Variants in GBGT1 observed in about 807,000 individuals in gnomAD.
GBGT1 encodes the protein globoside alpha-1,3-N-acetylgalactosaminyltransferase 1 (FORS blood group).
In GBGT1, 18 loss-of-function variants were observed where a neutral mutation model predicts 20.9. That is an observed-to-expected ratio of 0.86 (90% CI 0.60 to 1.28). The LOEUF is 1.28. Among genes scored for constraint, GBGT1 ranks in the 50% most tolerant of loss-of-function variants. The pLI, the probability that GBGT1 is intolerant of heterozygous loss-of-function variation, is 0.00. For synonymous variants in GBGT1, 168 were observed against 180.8 expected (o/e 0.93, Z 0.57); for missense variants, 432 against 455.7 (o/e 0.95, Z 0.47).
rs777068779 is a variant in GBGT1, at chr9:133,153,746, A to G, written c.875T>C (p.Met292Thr). The G allele has an allele frequency of 6.2e-7, 1 of 1,613,328 alleles. No individual in the cohort carries two copies. The highest frequency in any genetic ancestry group is 8.5e-7 in the Non-Finnish European group (1 of 1,179,654). ...AILADKANGI[M>T]AAWREESHLN... ...GTGGCTTTCCTCCCGCCAGGCAGCC[A>G]TGATGCCATTGGCCTTGTCCGCCAG... The change falls in exon 7 of 7, where the codon ATG (methionine) becomes ACG (threonine). Residue 292 changes from methionine (M) to threonine (T), a missense_variant. Met to Thr is a moderately conservative substitution (Grantham distance 81). Coordinates refer to ENST00000372040, the MANE Select transcript of GBGT1 (RefSeq NM_021996.6).
chr9:133,158,516 T>G (rs1832941459), intron 3 of GBGT1, among the ~76,000 whole-genome samples: 1 of 152,170 alleles, frequency 6.6e-6, no homozygotes, highest in Admixed American at 6.5e-5. Context: ...ACTCCTGAGC[T>G]CAAGTGATCT....
rs62638709 is a variant in GBGT1, at chr9:133,153,658, G to A, written c.963C>T (p.Asp321=). The A allele has an allele frequency of 0.01, 16,678 of 1,610,248 alleles. 1,028 individuals carry two copies. In the Admixed American group the frequency reaches 0.17, roughly 16 times the overall value. ...SKVLSPEYLW[D]DRKPQPPSLK... is the part of the protein sequence containing the mutation. ...GGCTGGGTGGCTGGGGCTTCCTGTCGTCCCAGAGGTACTCGGGGGACAGCA... is the reference window on the plus strand; with the variant it reads ...GGCTGGGTGGCTGGGGCTTCCTGTCATCCCAGAGGTACTCGGGGGACAGCA... Residue 321 remains aspartate (D), a synonymous_variant, in exon 7 of 7, where the codon GAC becomes GAT. Transcript: ENST00000372040.
chr9:133,155,235 T>G lies in GBGT1; in HGVS notation c.302A>C (p.Gln101Pro), dbSNP rs768303553. The part of the protein sequence containing the change: ...SEGTFNPELL[Q>P]HIYQPLNLTI... The stretch of plus-strand genomic sequence containing the variant: ...CAGGTTCAGTGGCTGGTAGATGTGC[T>G]GCAGAAGCTCTGGGTTGAAGGTTCC... Residue 101 changes from glutamine (Q) to proline (P), a missense_variant, in exon 6 of 7, where the codon CAG becomes CCG. Physicochemically the swap from Gln to Pro is moderately conservative, Grantham distance 76. Transcript: ENST00000372040. 2.5e-6 allele frequency: 4 copies of G among 1,614,036 alleles called. No individual in the cohort carries two copies.
intron 3 of GBGT1, among the ~76,000 whole-genome samples, chr9:133,157,855 G>T (rs1429015632): frequency 6.6e-6 from 1 of 152,206 alleles, no homozygotes; most frequent in Non-Finnish European, 1.5e-5. Flanking sequence ...GTGCAGAGAA[G>T]GGAAAGACCG....
Position 133,154,477 on chromosome 9 carries a change from T to C in GBGT1, c.360-216A>G. On this transcript the variant is annotated intron_variant, in intron 6 of 6. Transcript: ENST00000372040. The surrounding 1 kb of genome is among the most constrained non-coding windows in gnomAD (Gnocchi z 4.2). ...AGCATGTTCCTGGTAGAGATTCTTATGCTCCTAGGCCAGGTGAACTTTTAC... is the reference window on the plus strand; with the variant it reads ...AGCATGTTCCTGGTAGAGATTCTTACGCTCCTAGGCCAGGTGAACTTTTAC... 2.3e-6 allele frequency: 1 copy of C among 427,690 alleles called. No individual in the cohort carries two copies. The highest frequency in any genetic ancestry group is 4.1e-6 in the Non-Finnish European group (1 of 241,908). 26.5% of individuals were successfully genotyped at this position (427,690 alleles called of 1,614,324 possible).
At position 133,153,311 on chromosome 9, in the gene GBGT1, A is replaced by G. The variant is rs1832758372; in HGVS notation, c.*266T>C. 5.7e-6 allele frequency: 2 copies of G among 350,514 alleles called. No homozygotes were observed. Among genetic ancestry groups the G allele is most frequent in the Admixed American group, 4.5e-5 (1 of 22,012 alleles). 21.7% of individuals were successfully genotyped at this position (350,514 alleles called of 1,614,324 possible). Reference sequence around the variant, plus strand: ...GCCTGCCCCGCAAAGGCACGGCTGCAGAACGTGGCAAGCCTGCCGGGCCCT... The same window carrying G: ...GCCTGCCCCGCAAAGGCACGGCTGCGGAACGTGGCAAGCCTGCCGGGCCCT... On this transcript the variant is annotated 3_prime_UTR_variant, in exon 7 of 7. Coordinates refer to ENST00000372040, the MANE Select transcript of GBGT1 (RefSeq NM_021996.6).
Position 133,153,679 on chromosome 9 carries a change from C to T in GBGT1, c.942G>A (p.Leu314=). Residue 314 remains leucine (L), a synonymous_variant, in exon 7 of 7, where the codon CTG becomes CTA. Coordinates refer to ENST00000372040, the MANE Select transcript of GBGT1 (RefSeq NM_021996.6). The stretch of plus-strand genomic sequence containing the variant: ...TGTCGTCCCAGAGGTACTCGGGGGA[C>T]AGCACCTTGGACGGCTTGTTTGAGA... The part of the protein sequence containing the change: ...HFISNKPSKV[L]SPEYLWDDRK... 5.0e-6 allele frequency: 8 copies of T among 1,613,590 alleles called. No homozygotes were observed. Among genetic ancestry groups the T allele is most frequent in the Non-Finnish European group, 5.9e-6 (7 of 1,179,746 alleles).
At chr9:133,158,383 G>A (rs1832937022) in intron 3 of GBGT1, among the ~76,000 whole-genome samples, 1 of 152,010 alleles carries the variant, frequency 6.6e-6, no homozygotes, top group African/African-American at 2.4e-5. Flanking sequence ...AGCTCAAGCG[G>A]TCCTCCCACA....
rs1832826229 is a variant in GBGT1, at chr9:133,154,982, G to A, written c.359+196C>T. ...GACTCTGCATCCTGTCTATGCTAGA[G>A]CCAGATCCCCTACTCCAGGAAGCTC... On this transcript the variant is annotated intron_variant, in intron 6 of 6. Transcript: ENST00000372040. This position sits in a 1 kb window ranked among gnomAD's most constrained non-coding sequence, Gnocchi z 4.2. The A allele has an allele frequency of 1.4e-5, 8 of 581,544 alleles. No homozygotes were observed. The highest frequency in any genetic ancestry group is 2.5e-5 in the Non-Finnish European group (8 of 326,020). 36.0% of individuals were successfully genotyped at this position (581,544 alleles called of 1,614,324 possible).
At chr9:133,162,633 T>C in intron 1 of GBGT1, 101 bp from the exon 2 acceptor site, 1 of 568,478 alleles carries the variant, frequency 1.8e-6, no homozygotes, top group Non-Finnish European at 3.2e-6. Context: ...CCTCTTCTCT[T>C]GGGTTCAAGC....
At chr9:133,156,137 G>A in intron 3 of GBGT1, 72 bp from the exon 4 acceptor site, 1 of 1,559,294 alleles carries the variant, frequency 6.4e-7, no homozygotes, top group Non-Finnish European at 8.8e-7. Flanking sequence ...GGAAGAAGGA[G>A]GAGTCAGAGG....
In GBGT1 at chr9:133,153,243, C is replaced by G. The variant is rs1832755655; in HGVS notation, c.*334G>C. Reference sequence around the variant, plus strand: ...CAATATGCAATAAACGGGGGACTGGCGCGGCAGGGTTCAGGCACTCTGAGT... The same window carrying G: ...CAATATGCAATAAACGGGGGACTGGGGCGGCAGGGTTCAGGCACTCTGAGT... On this transcript the variant is annotated 3_prime_UTR_variant, in exon 7 of 7. Transcript: ENST00000372040. The G allele has an allele frequency of 1.6e-5, 4 of 244,942 alleles. No homozygotes were observed. Among genetic ancestry groups the G allele is most frequent in the Non-Finnish European group, 3.1e-5 (4 of 128,152 alleles). The allele number at this position is 244,942 out of a possible 1,614,324, so 15.2% of individuals were successfully genotyped here. A position where few individuals can be genotyped will look rare whatever the true frequency, so the allele number is the denominator to read the frequency against.
At chr9:133,161,579 A>G in intron 2 of GBGT1, 47 bp from the exon 3 acceptor site, 1 of 1,400,580 alleles carries the variant, frequency 7.1e-7, no homozygotes. Context: ...ACTCTGCACC[A>G]GAGGCTGAAA....
chr9:133,157,346 A>G (rs988061116), intron 3 of GBGT1, among the ~76,000 whole-genome samples: 17 of 151,238 alleles, frequency 1.1e-4, no homozygotes, highest in Non-Finnish European at 4.4e-5. Context: ...CTCCTATCTG[A>G]GTTTCAGCTG....
intron 3 of GBGT1, among the ~76,000 whole-genome samples, chr9:133,159,522 G>T (rs1349205694): frequency 6.6e-6 from 1 of 152,232 alleles, no homozygotes; most frequent in African/African-American, 2.4e-5. Flanking sequence ...AAGCAGGCCG[G>T]TGTGGTGGCT....
At chr9:133,156,155 G>T (rs1378499660) in intron 3 of GBGT1, 90 bp from the exon 4 acceptor site, 4 of 1,444,830 alleles carry the variant, frequency 2.8e-6, no homozygotes, top group Admixed American at 1.9e-5. Context: ...AGGCCCCTGC[G>T]GGTGGGCACC....
rs1832824834 is a variant in GBGT1 at position 133,154,914 on chromosome 9, C to CA, written c.359+263dup. 1 of 427,212 alleles carries CA rather than the reference C, an allele frequency of 2.3e-6. No homozygotes were observed. The highest frequency in any genetic ancestry group is 4.2e-6 in the Non-Finnish European group (1 of 239,064). 26.5% of individuals were successfully genotyped at this position (427,212 alleles called of 1,614,324 possible). ...GGGGTCTAGATGAAACAGGGAGGGG[C>CA]AAGGGGGCCTCCTGACAAAGGCTCC... On this transcript the variant is annotated intron_variant, in intron 6 of 6. Coordinates refer to ENST00000372040, the MANE Select transcript of GBGT1 (RefSeq NM_021996.6). This position sits in a 1 kb window ranked among gnomAD's most constrained non-coding sequence, Gnocchi z 4.2.
rs919440448 is a variant in GBGT1 at position 133,154,442 on chromosome 9, G to C, written c.360-181C>G. The C allele has an allele frequency of 4.3e-6, 2 of 466,826 alleles. No individual in the cohort carries two copies. Among genetic ancestry groups the C allele is most frequent in the African/African-American group, 3.9e-5 (2 of 51,232 alleles). The allele number at this position is 466,826 out of a possible 1,614,324, so 28.9% of individuals were successfully genotyped here. On this transcript the variant is annotated intron_variant, in intron 6 of 6. Transcript: ENST00000372040. The surrounding 1 kb of genome is among the most constrained non-coding windows in gnomAD (Gnocchi z 4.2). ...CAAAATGCTAGTACCAGCCTCTTAC[G>C]GCTGTTGTAAGCATGTTCCTGGTAG...
Position 133,161,569 on chromosome 9 carries a change from A to C in GBGT1, c.72-37T>G, listed in dbSNP as rs779857199. The C allele has an allele frequency of 1.0e-5, 15 of 1,466,426 alleles. No individual in the cohort carries two copies. In the South Asian group the frequency reaches 1.8e-4, roughly 18 times the overall value. 90.8% of individuals were successfully genotyped at this position (1,466,426 alleles called of 1,614,324 possible). A position where few individuals can be genotyped will look rare whatever the true frequency, so the allele number is the denominator to read the frequency against. On this transcript the variant is annotated intron_variant, in intron 2 of 6. Coordinates refer to ENST00000372040, the MANE Select transcript of GBGT1 (RefSeq NM_021996.6). ...AAAAAGAAAAAAAATCTGTTGATCC[A>C]CTCTGCACCAGAGGCTGAAAACGCA... is the stretch of plus-strand genomic sequence containing the variant.
Sources: allele counts gnomAD v4.1 joint callset (sites outside exome capture counted in the v4.1 genomes callset), GRCh38; gene constraint gnomAD v4.1.1; non-coding constraint Gnocchi (gnomAD v3.1); transcripts MANE v1.5; gene names NCBI Gene and HGNC (gene_info 2026-07-23, HGNC 2026-07-21).